Variants in DMD observed in about 807,000 individuals in gnomAD.
The protein encoded by DMD is dystrophin.
Under a neutral mutation model 330.1 loss-of-function variants are expected in DMD, and 63 were observed. The observed-to-expected ratio is 0.19, with a 90% CI of 0.16 to 0.24. The LOEUF (loss-of-function observed/expected upper bound fraction) is 0.24. DMD is among the 10% of genes least tolerant of loss of function. DMD has a pLI of 1.00. For missense variants in DMD, 3,344 were observed against 2,684.1 expected (o/e 1.25, Z -5.43); for synonymous variants, 1,223 against 959.8 (o/e 1.27, Z -5.07).
chrX:31,405,876 A>G (rs1345054787), intron 60 of DMD, among the ~76,000 whole-genome samples: 1 of 112,094 alleles, frequency 8.9e-6, no homozygotes, highest in Non-Finnish European at 1.9e-5. Flanking sequence ...AAGTTCCAAT[A>G]ATAGATGCTT....
At chrX:32,153,512 C>CAA (rs111983967) in intron 44 of DMD, among the ~76,000 whole-genome samples, 7 of 102,002 alleles carry the variant, frequency 6.9e-5, no homozygotes, top group African/African-American at 2.1e-4. Flanking sequence ...AGAAATAAAG[C>CAA]AAAAAAAAAA....
In DMD at chrX:32,825,424, G is replaced by A. The variant is rs746749526; in HGVS notation, c.265-2037C>T. 7.2e-5 allele frequency among the ~76,000 whole-genome samples: 8 copies of A among 111,357 alleles called. No homozygotes were observed. In the South Asian group the frequency reaches 3.0e-3, roughly 42 times the overall value. Reference sequence around the variant, plus strand: ...GGTACTGGGCTCAGACCTGATAAAGGAAAGTAAGGTACTACCCCCCCAGTG... The same window carrying A: ...GGTACTGGGCTCAGACCTGATAAAGAAAAGTAAGGTACTACCCCCCCAGTG... On this transcript the variant is annotated intron_variant, in intron 4 of 78. Coordinates refer to ENST00000357033, the MANE Select transcript of DMD (RefSeq NM_004006.3).
rs769488983 is a variant in DMD, at chrX:31,881,703, G to A, written c.6913-6330C>T. Among the ~76,000 whole-genome samples, 49 of 112,193 alleles carry A rather than the reference G, an allele frequency of 4.4e-4. 1 individual carries two copies. The highest frequency in any genetic ancestry group is 7.9e-4 in the Non-Finnish European group (42 of 53,248). On this transcript the variant is annotated intron_variant, in intron 47 of 78. Coordinates refer to ENST00000357033, the MANE Select transcript of DMD (RefSeq NM_004006.3). ...ACTACAGTATTCAGTAAAGTCACAT[G>A]CAGTACAGGTTTGTAGCCTAGGAGC...
chrX:32,397,079 G>T (rs1424333880), intron 30 of DMD, among the ~76,000 whole-genome samples: 1 of 111,370 alleles, frequency 9.0e-6, no homozygotes, highest in East Asian at 2.8e-4. Context: ...GACATTATGA[G>T]AATATGATGA....
chrX:31,895,176 T>C (rs1357984716), intron 47 of DMD, among the ~76,000 whole-genome samples: 1 of 111,536 alleles, frequency 9.0e-6, no homozygotes, highest in Middle Eastern at 4.7e-3. Flanking sequence ...CTCTGTCTCC[T>C]GGAGAAAGAA....
At chrX:32,682,528 G>C (rs2062507727) in intron 9 of DMD, among the ~76,000 whole-genome samples, 1 of 111,078 alleles carries the variant, frequency 9.0e-6, no homozygotes, top group Admixed American at 9.6e-5. Context: ...TTGACCCCAT[G>C]AATTTTAGCA....
intron 55 of DMD, among the ~76,000 whole-genome samples, chrX:31,557,058 A>G (rs1031267062): frequency 8.9e-6 from 1 of 112,365 alleles, no homozygotes; most frequent in Non-Finnish European, 1.9e-5. Context: ...CAAAGCTCTA[A>G]ATACAATTTA....
In DMD at chrX:31,521,382, C is replaced by T. The variant is rs749118986; in HGVS notation, c.8218-13929G>A. 9.0e-5 allele frequency among the ~76,000 whole-genome samples: 10 copies of T among 111,008 alleles called. No individual in the cohort carries two copies. The South Asian group carries it at 2.3e-3, about 26-fold the overall frequency. On this transcript the variant is annotated intron_variant, in intron 55 of 78. Coordinates refer to ENST00000357033, the MANE Select transcript of DMD (RefSeq NM_004006.3). The stretch of plus-strand genomic sequence containing the variant: ...TTCACCATGTTGGCCAGGCTGGTGT[C>T]GAACTCCTAACCTTATGTGACCCAC...
intron 44 of DMD, among the ~76,000 whole-genome samples, chrX:32,019,965 C>CT (rs1360050186): frequency 1.8e-5 from 2 of 112,378 alleles, no homozygotes; most frequent in African/African-American, 3.2e-5. Flanking sequence ...AACATAGCGG[C>CT]TTTTTTGCAA....
rs914232715 is a variant in DMD at position 31,549,475 on chromosome X, A to T, written c.8218-42022T>A. ...AAAATTCTATAGAATTCTTCAAATG[A>T]ACCCTCCAAGTCAGTATTTTAACTC... On this transcript the variant is annotated intron_variant, in intron 55 of 78. Transcript: ENST00000357033. 6.2e-5 allele frequency among the ~76,000 whole-genome samples: 7 copies of T among 112,080 alleles called. No individual in the cohort carries two copies. In the Admixed American group the frequency reaches 6.7e-4, roughly 11 times the overall value.
chrX:31,641,396 G>A (rs184377505), intron 54 of DMD, among the ~76,000 whole-genome samples: 2 of 108,655 alleles, frequency 1.8e-5, no homozygotes, highest in East Asian at 2.9e-4. Context: ...CCAGCCACTC[G>A]GGAGGCTGAG....
chrX:32,478,971 T>A (rs1439828140), intron 21 of DMD, among the ~76,000 whole-genome samples: 1 of 111,331 alleles, frequency 9.0e-6, no homozygotes, highest in African/African-American at 3.3e-5. Flanking sequence ...GGACAACTGA[T>A]TTATTTTCCA....
At chrX:32,986,184 A>G (rs2092839239) in intron 2 of DMD, among the ~76,000 whole-genome samples, 2 of 111,239 alleles carry the variant, frequency 1.8e-5, no homozygotes, top group Admixed American at 9.6e-5. Context: ...GAGCAATTAT[A>G]TTATTCCTAT....
chrX:32,528,249 C>T (rs988448663), intron 17 of DMD, among the ~76,000 whole-genome samples: 2 of 110,584 alleles, frequency 1.8e-5, no homozygotes, highest in Non-Finnish European at 3.8e-5. Context: ...GCAGAAGTTG[C>T]AGTGAGCCAA....
chrX:31,342,325 G>A (rs2057818914), intron 61 of DMD, among the ~76,000 whole-genome samples: 1 of 111,764 alleles, frequency 8.9e-6, no homozygotes, highest in Admixed American at 9.5e-5. Flanking sequence ...CCACATTAAG[G>A]CAAAGATTCA....
chrX:32,353,205 C>T (rs1045384106), intron 37 of DMD, among the ~76,000 whole-genome samples: 1 of 111,303 alleles, frequency 9.0e-6, no homozygotes, highest in Non-Finnish European at 1.9e-5. Context: ...CATTGCTTTT[C>T]TTAAGAGTTC....
At chrX:32,900,969 C>G (rs893427263) in intron 2 of DMD, among the ~76,000 whole-genome samples, 4 of 110,790 alleles carry the variant, frequency 3.6e-5, no homozygotes, top group African/African-American at 1.3e-4. Flanking sequence ...ATAGAGAAAT[C>G]TAAAATGTAA....
Position 31,820,061 on chromosome X carries a change from G to A in DMD, c.7223C>T (p.Ser2408Phe). 1 of 1,210,873 alleles carries A rather than the reference G, an allele frequency of 8.3e-7. No individual in the cohort carries two copies. The highest frequency in any genetic ancestry group is 1.1e-6 in the Non-Finnish European group (1 of 894,636). ...TAAACGGTTTACCGCCTTCCACTCAGAGCTCAGATCTTCTAACTTCCTCTT... is the reference window on the plus strand; with the variant it reads ...TAAACGGTTTACCGCCTTCCACTCAAAGCTCAGATCTTCTAACTTCCTCTT... ...PVKRKLEDLSSEWKAVNRLLQ... is the reference protein window; with the variant it reads ...PVKRKLEDLSFEWKAVNRLLQ... The change falls in exon 50 of 79, where the codon TCT (serine) becomes TTT (phenylalanine). Residue 2408 changes from serine to phenylalanine, a missense_variant. Transcript: ENST00000357033.
At chrX:31,610,517 C>A (rs965678788) in intron 55 of DMD, among the ~76,000 whole-genome samples, 1 of 112,140 alleles carries the variant, frequency 8.9e-6, no homozygotes, top group Non-Finnish European at 1.9e-5. Flanking sequence ...ACAGTAAACA[C>A]ACATACACAT....
Sources: allele counts gnomAD v4.1 joint callset (sites outside exome capture counted in the v4.1 genomes callset), GRCh38; gene constraint gnomAD v4.1.1; transcripts MANE v1.5; gene names NCBI Gene and HGNC (gene_info 2026-07-23, HGNC 2026-07-21).